Variants in ATL2 observed in about 807,000 individuals in gnomAD.
ATL2 encodes atlastin-2.
Under a neutral mutation model 73.9 loss-of-function variants are expected in ATL2, and 31 were observed. The observed-to-expected ratio is 0.42, with a 90% CI of 0.32 to 0.57. The LOEUF (loss-of-function observed/expected upper bound fraction) is 0.57. ATL2 is among the 20% of genes least tolerant of loss of function. The pLI is 0.14. For synonymous variants in ATL2, 291 were observed against 237.5 expected (o/e 1.23, Z -2.07); for missense variants, 738 against 702.6 (o/e 1.05, Z -0.57).
At chr2:38,361,605 T>C (rs1671019997) in intron 1 of ATL2, among the ~76,000 whole-genome samples, 1 of 152,150 alleles carries the variant, frequency 6.6e-6, no homozygotes, top group African/African-American at 2.4e-5. Flanking sequence ...TTAAAAAGGA[T>C]TCAAAATCAA....
intron 2 of ATL2, among the ~76,000 whole-genome samples, chr2:38,327,538 T>TA (rs1668734110): frequency 5.1e-5 from 2 of 39,474 alleles, no homozygotes; most frequent in Non-Finnish European, 9.9e-5. Flanking sequence ...AAAAAAAAAG[T>TA]ACAAAAAAAA....
intron 9 of ATL2, among the ~76,000 whole-genome samples, chr2:38,304,810 A>T (rs563378730): frequency 1.3e-5 from 2 of 152,334 alleles, no homozygotes; most frequent in African/African-American, 4.8e-5. Flanking sequence ...AATAAAAAGA[A>T]ATTAAAACAT....
intron 1 of ATL2, among the ~76,000 whole-genome samples, chr2:38,356,425 G>C (rs1399038952): frequency 2.0e-5 from 3 of 151,206 alleles, no homozygotes; most frequent in Admixed American, 1.3e-4. Context: ...CTGGGCTCAA[G>C]TGATCCACCC....
At chr2:38,358,213 T>C (rs946341826) in intron 1 of ATL2, among the ~76,000 whole-genome samples, 26 of 152,180 alleles carry the variant, frequency 1.7e-4, no homozygotes, top group African/African-American at 6.0e-4. Flanking sequence ...TTTCTAACAA[T>C]ATTAAAATAA....
intron 1 of ATL2, among the ~76,000 whole-genome samples, chr2:38,362,208 T>C (rs567338129): frequency 1.3e-5 from 2 of 152,314 alleles, no homozygotes; most frequent in African/African-American, 4.8e-5. Context: ...GTATTTGAGA[T>C]TTCTAGCTCC....
At chr2:38,371,264 T>C (rs1217078395) in intron 1 of ATL2, among the ~76,000 whole-genome samples, 1 of 151,340 alleles carries the variant, frequency 6.6e-6, no homozygotes, top group Non-Finnish European at 1.5e-5. Context: ...TCCCAACACT[T>C]GGGAGGCAGA....
intron 10 of ATL2, among the ~76,000 whole-genome samples, chr2:38,299,610 T>C (rs1667081435): frequency 6.6e-6 from 1 of 152,188 alleles, no homozygotes; most frequent in East Asian, 1.9e-4. Flanking sequence ...TAAATAGATA[T>C]AACCCTAAAA....
At chr2:38,376,402 C>G in intron 1 of ATL2, 1 of 451,656 alleles carries the variant, frequency 2.2e-6, no homozygotes. Context: ...ACTACAGACA[C>G]TTTCAGAGTG....
In ATL2 at chr2:38,295,781, T is replaced by C. The variant is rs1666859036; in HGVS notation, c.*213A>G. 1 of 425,882 alleles carries C rather than the reference T, an allele frequency of 2.3e-6. No homozygotes were observed. Among genetic ancestry groups the C allele is most frequent in the Non-Finnish European group, 4.2e-6 (1 of 237,908 alleles). The allele number at this position is 425,882 out of a possible 1,614,324, so 26.4% of individuals were successfully genotyped here. On this transcript the variant is annotated 3_prime_UTR_variant, in exon 13 of 13. Transcript: ENST00000378954. ...GGCACAAAGGTGCATGATTAACCAA[T>C]GCTCCTCAGTCCATCTGCATGTCTT...
chr2:38,374,119 G>GA (rs1196862479), intron 1 of ATL2, among the ~76,000 whole-genome samples: 5 of 151,196 alleles, frequency 3.3e-5, no homozygotes, highest in Admixed American at 1.3e-4. Context: ...TCGAACTCCT[G>GA]ACCTCAGGTG....
Position 38,343,322 on chromosome 2 carries a change from A to G in ATL2, c.309T>C (p.Phe103=). 1 of 1,612,156 alleles carries G rather than the reference A, an allele frequency of 6.2e-7. No homozygotes were observed. Among genetic ancestry groups the G allele is most frequent in the South Asian group, 1.1e-5 (1 of 90,896 alleles). ...NIVVVSVAGA[F]RKGKSFLLDF... is the part of the protein sequence containing the mutation. ...CCAGTAGAAATGACTTCCCTTTACG[A>G]AAAGCTCCTGCCACAGATACCACTA... The change falls in exon 2 of 13, where the codon TTT becomes TTC. Residue 103 remains phenylalanine (F), a synonymous_variant. Transcript: ENST00000378954.
intron 1 of ATL2, among the ~76,000 whole-genome samples, chr2:38,369,453 T>A (rs1477102050): frequency 6.6e-6 from 1 of 151,228 alleles, no homozygotes. Flanking sequence ...AAAGAAAAAA[T>A]AAATAAATTT....
rs773712541 is a variant in ATL2, at chr2:38,313,899, AG to A, written c.712-657del. On this transcript the variant is annotated intron_variant, in intron 6 of 12. Coordinates refer to ENST00000378954, the MANE Select transcript of ATL2 (RefSeq NM_001135673.4). ...TTGGGTGGCAAAATGATCCCAGTTCAGAAAAAACTGATATAGGCCAAATAGG... is the reference window on the plus strand; with the variant it reads ...TTGGGTGGCAAAATGATCCCAGTTCAAAAAAACTGATATAGGCCAAATAGG... 3.9e-5 allele frequency among the ~76,000 whole-genome samples: 6 copies of A among 152,320 alleles called. No individual in the cohort carries two copies. In the East Asian group the frequency reaches 1.2e-3, roughly 29 times the overall value.
chr2:38,304,741 ATATAT>A (rs893798461), intron 9 of ATL2, among the ~76,000 whole-genome samples: 3 of 152,320 alleles, frequency 2.0e-5, no homozygotes, highest in East Asian at 1.9e-4. Context: ...TTTAAAATAA[ATATAT>A]TATAGTTGCA....
At chr2:38,363,973 T>C (rs564867097) in intron 1 of ATL2, among the ~76,000 whole-genome samples, 1 of 152,258 alleles carries the variant, frequency 6.6e-6, no homozygotes, top group African/African-American at 2.4e-5. Context: ...ACTTTAAAAA[T>C]GTAGTCTAGG....
At chr2:38,325,330 G>T (rs1668537271) in intron 2 of ATL2, among the ~76,000 whole-genome samples, 1 of 152,024 alleles carries the variant, frequency 6.6e-6, no homozygotes, top group Admixed American at 6.6e-5. Context: ...CTAACACAAA[G>T]GATCAGGAGT....
chr2:38,331,437 GAAAAAA>G (rs34238912), intron 2 of ATL2, among the ~76,000 whole-genome samples: 1 of 80,340 alleles, frequency 1.2e-5, no homozygotes, highest in African/African-American at 4.5e-5. Context: ...TCTGTCTCAA[GAAAAAA>G]AAAAAAAAAA....
At chr2:38,363,361 T>TTGA (rs943599698) in intron 1 of ATL2, among the ~76,000 whole-genome samples, 2 of 130,894 alleles carry the variant, frequency 1.5e-5, no homozygotes, top group African/African-American at 3.0e-5. Flanking sequence ...AAGTTGTTTA[T>TTGA]TAAAAAGGTG....
At chr2:38,334,005 A>G (rs934615595) in intron 2 of ATL2, among the ~76,000 whole-genome samples, 1 of 151,346 alleles carries the variant, frequency 6.6e-6, no homozygotes, top group Non-Finnish European at 1.5e-5. Flanking sequence ...AAGATAGTCC[A>G]CATAACCTCT....
Sources: gnomAD v4.1 joint callset for allele counts (sites outside exome capture counted in the v4.1 genomes callset) on GRCh38, gnomAD v4.1.1 for gene constraint, MANE v1.5 for transcripts, NCBI Gene and HGNC (gene_info 2026-07-23, HGNC 2026-07-21) for gene names.